Variants in AMELX observed in about 807,000 individuals in gnomAD.
AMELX encodes the protein amelogenin X-linked.
AMELX carries 9 observed loss-of-function variants against 15.8 expected under a neutral mutation model. The observed-to-expected ratio is 0.57, with a 90% confidence interval of 0.34 to 0.99. AMELX has a LOEUF of 0.99. Ranked by LOEUF, AMELX falls within the 50% of genes least tolerant of loss-of-function variation. AMELX has a pLI of 0.02. For missense variants in AMELX, 107 were observed against 156.2 expected (o/e 0.68, Z 1.68); for synonymous variants, 61 against 58.8 (o/e 1.04, Z -0.17).
At chrX:11,295,358 A>C (rs936722649) in intron 2 of AMELX, among the ~76,000 whole-genome samples, 1 of 111,457 alleles carries the variant, frequency 9.0e-6, no homozygotes, top group African/African-American at 3.3e-5. Flanking sequence ...CTGTTCTCAG[A>C]GGCCCCACCC....
chrX:11,294,152 C>T (rs1038925381), intron 1 of AMELX, among the ~76,000 whole-genome samples: 8 of 112,478 alleles, frequency 7.1e-5, no homozygotes, highest in Admixed American at 4.7e-4. Context: ...ACATAAAATT[C>T]GTACCATCCT....
At chrX:11,296,948 C>A in intron 3 of AMELX, 122 bp downstream of exon 3, 1 of 967,763 alleles carries the variant, frequency 1.0e-6, no homozygotes, top group South Asian at 2.0e-5. Flanking sequence ...TTTTACAGTT[C>A]CTACCACCAG....
At chrX:11,296,369 C>T (rs2048083668) in intron 2 of AMELX, among the ~76,000 whole-genome samples, 1 of 111,862 alleles carries the variant, frequency 8.9e-6, no homozygotes, top group Non-Finnish European at 1.9e-5. Flanking sequence ...CACTTCTCTC[C>T]CCATTATGGG....
Position 11,300,596 on chromosome X carries a change from AT to A in AMELX, c.571-4del, listed in dbSNP as rs762731577. On this transcript the variant is annotated splice_polypyrimidine_tract_variant and intron_variant, in intron 5 of 5. Coordinates refer to ENST00000380714, the MANE Select transcript of AMELX (RefSeq NM_001142.2). ...AAATTATTTTAACTGTTCTTTTGCA[AT>A]TTTTTTCAGGATTAAAAGATCAGAA... 5.9e-6 allele frequency: 7 copies of A among 1,191,235 alleles called. No individual in the cohort carries two copies. The African/African-American group carries it at 7.0e-5, about 12-fold the overall frequency.
At chrX:11,303,254 G>A (rs1268789276), downstream of AMELX, among the ~76,000 whole-genome samples, 1 of 112,272 alleles carries the variant, frequency 8.9e-6, no homozygotes, top group Non-Finnish European at 1.9e-5. Context: ...AATTCCTTTT[G>A]CCCCTATTTG....
At chrX:11,302,409 A>T (rs2048184664), downstream of AMELX, among the ~76,000 whole-genome samples, 1 of 112,576 alleles carries the variant, frequency 8.9e-6, no homozygotes, top group Admixed American at 9.4e-5. Context: ...CAAGCATGCC[A>T]GTAATCCTGA....
chrX:11,296,487 G>A (rs2048085917), intron 2 of AMELX, among the ~76,000 whole-genome samples: 1 of 111,741 alleles, frequency 8.9e-6, no homozygotes, highest in South Asian at 3.8e-4. Flanking sequence ...GAATAAATGT[G>A]TGCTGGTTTC....
the AMELX span, among the ~76,000 whole-genome samples, chrX:11,306,795 C>A: frequency 1.8e-5 from 2 of 112,251 alleles, no homozygotes; most frequent in East Asian, 5.6e-4. Context: ...TTAATTTTTC[C>A]TGCCCATTTG....
At chrX:11,297,986 T>C in intron 3 of AMELX, 1 of 742,212 alleles carries the variant, frequency 1.3e-6, no homozygotes, top group Admixed American at 2.3e-5. Flanking sequence ...GTGAGAGTAA[T>C]AATACTTGCC....
At chrX:11,302,623 ACACT>A (rs200053310), downstream of AMELX, among the ~76,000 whole-genome samples, 578 of 111,838 alleles carry the variant, frequency 5.2e-3, 2 homozygotes, top group African/African-American at 0.018. Context: ...CACGTTACAC[ACACT>A]CACACACCCA....
At chrX:11,303,837 T>C (rs193226745), downstream of AMELX, among the ~76,000 whole-genome samples, 7 of 111,408 alleles carry the variant, frequency 6.3e-5, no homozygotes, top group Admixed American at 6.6e-4. Flanking sequence ...ACTTGGACAA[T>C]TTTTTTGGCC....
chrX:11,297,382 T>A (rs781076503), intron 3 of AMELX, among the ~76,000 whole-genome samples: 3 of 112,131 alleles, frequency 2.7e-5, no homozygotes, highest in Non-Finnish European at 5.6e-5. Context: ...AATCATTTCC[T>A]CTTTCTGGAA....
chrX:11,303,161 T>C (rs2048191716), downstream of AMELX, among the ~76,000 whole-genome samples: 1 of 112,855 alleles, frequency 8.9e-6, no homozygotes. Flanking sequence ...TCCACATTGC[T>C]TTAATAAAAT....
At chrX:11,304,744 C>G (rs1228617376), downstream of AMELX, among the ~76,000 whole-genome samples, 1 of 106,400 alleles carries the variant, frequency 9.4e-6, no homozygotes, top group Non-Finnish European at 1.9e-5. Context: ...CAGCTAATTC[C>G]ACATTATAAG....
At chrX:11,308,933 T>A in the AMELX span, among the ~76,000 whole-genome samples, 2 of 112,157 alleles carry the variant, frequency 1.8e-5, no homozygotes, top group South Asian at 3.8e-4. Flanking sequence ...CAATGGTATG[T>A]AATATTCCAA....
rs185763648 is a variant in AMELX at position 11,296,734 on chromosome X, C to G, written c.55-45C>G. 2.6e-5 allele frequency: 30 copies of G among 1,146,543 alleles called. No homozygotes were observed. In the Admixed American group the frequency reaches 6.6e-4, roughly 25 times the overall value. 94.5% of individuals were successfully genotyped at this position (1,146,543 alleles called of 1,213,427 possible). A position where few individuals can be genotyped will look rare whatever the true frequency, so the allele number is the denominator to read the frequency against. ...TCTCTCTTCTCTTCCTTCACTCTCT[C>G]CCTTCCTCTCTCTTTCTATTCTCCT... is the stretch of plus-strand genomic sequence containing the variant. On this transcript the variant is annotated intron_variant, in intron 2 of 5. Transcript: ENST00000380714.
At chrX:11,299,799 A>G (rs1261432210) in intron 5 of AMELX, among the ~76,000 whole-genome samples, 2 of 112,038 alleles carry the variant, frequency 1.8e-5, no homozygotes, top group African/African-American at 6.5e-5. Context: ...CCAGGATAAG[A>G]AGCCAGGACA....
chrX:11,308,374 AT>A, the AMELX span, among the ~76,000 whole-genome samples: 5 of 112,109 alleles, frequency 4.5e-5, no homozygotes, highest in Non-Finnish European at 7.5e-5. Flanking sequence ...ATTAAAAAAA[AT>A]AAAATTTGCA....
downstream of AMELX, among the ~76,000 whole-genome samples, chrX:11,303,445 G>A (rs1198230856): frequency 1.8e-5 from 2 of 111,619 alleles, no homozygotes; most frequent in Non-Finnish European, 3.8e-5. Context: ...AGAAAGGAGT[G>A]GTCATTTGGG....
Sources: allele counts gnomAD v4.1 joint callset (sites outside exome capture counted in the v4.1 genomes callset), GRCh38; gene constraint gnomAD v4.1.1; transcripts MANE v1.5; gene names NCBI Gene and HGNC (gene_info 2026-07-23, HGNC 2026-07-21).